Variants in FDFT1 observed in about 807,000 individuals in gnomAD.
The protein encoded by FDFT1 is squalene synthase.
A neutral mutation model predicts 46.8 loss-of-function variants in FDFT1; 68 were observed. The ratio of observed to expected loss-of-function variants is 1.45; its 90% CI spans 1.19 to 1.78. The LOEUF is 1.78. FDFT1 is among the 40% of genes most tolerant of loss of function. The pLI is 0.00. For synonymous variants in FDFT1, 351 were observed against 185.1 expected, an observed-to-expected ratio of 1.90 and a Z score of -7.28; for missense variants, 928 against 524.4, an observed-to-expected ratio of 1.77 and a Z score of -7.52.
At position 11,838,533 on chromosome 8, in the gene FDFT1, T is replaced by C; in HGVS notation, c.1178T>C (p.Leu393Ser). The C allele has an allele frequency of 3.7e-6, 6 of 1,611,074 alleles. No individual in the cohort carries two copies. The highest frequency in any genetic ancestry group is 4.2e-6 in the Non-Finnish European group (5 of 1,178,564). ...SPIYLSFVML[L>S]AALSWQYLTT... is the part of the protein sequence containing the mutation. ...ATCTACCTGTCGTTTGTCATGCTTT[T>C]GGCTGCCCTGAGCTGGCAGTACCTG... The change falls in exon 8 of 8, where the codon TTG (leucine) becomes TCG (serine). Residue 393 changes from leucine to serine, a missense_variant. Coordinates refer to ENST00000220584, the MANE Select transcript of FDFT1 (RefSeq NM_004462.5).
At chr8:11,809,008 A>C in intron 2 of FDFT1, 117 bp downstream of exon 2, 1 of 1,457,172 alleles carries the variant, frequency 6.9e-7, no homozygotes, top group Non-Finnish European at 9.2e-7. Context: ...GCTGTGGCTT[A>C]TCCAGAACAT....
intron 4 of FDFT1, among the ~76,000 whole-genome samples, chr8:11,824,166 TTTTACCC>T (rs1243983439): frequency 1.3e-5 from 2 of 152,182 alleles, no homozygotes; most frequent in African/African-American, 4.8e-5. Context: ...ATTTCCTAAC[TTTTACCC>T]TTCCTAATGA....
rs1281814084 is a variant in FDFT1 at position 11,831,562 on chromosome 8, G to C, written c.924G>C (p.Gln308His). ...TGGCTGCCTGTTATAATAACCAGCA[G>C]GTGTTCAAAGGGGCAGTGAAGATTC... is the stretch of plus-strand genomic sequence containing the variant. ...ATLAACYNNQ[Q>H]VFKGAVKIRK... Residue 308 changes from glutamine to histidine, a missense_variant, in exon 7 of 8, where the codon CAG (glutamine) becomes CAC (histidine). Gln to His is a conservative substitution (Grantham distance 24). Coordinates refer to ENST00000220584, the MANE Select transcript of FDFT1 (RefSeq NM_004462.5). The C allele has an allele frequency of 6.2e-7, 1 of 1,614,128 alleles. No homozygotes were observed. The highest frequency in any genetic ancestry group is 1.7e-5 in the Admixed American group (1 of 60,026).
At chr8:11,808,256 C>G (rs1435433378) in intron 1 of FDFT1, 1 of 1,208,260 alleles carries the variant, frequency 8.3e-7, no homozygotes, top group East Asian at 3.4e-5. Flanking sequence ...GACTCTGTCA[C>G]TGGGAGGACG....
At chr8:11,827,706 T>G (rs1391772786) in intron 5 of FDFT1, among the ~76,000 whole-genome samples, 1 of 152,102 alleles carries the variant, frequency 6.6e-6, no homozygotes, top group East Asian at 1.9e-4. Context: ...ATTAAAAATC[T>G]GAAAAGATGC....
At chr8:11,808,974 A>ACCTTTTGCT in intron 2 of FDFT1, 83 bp downstream of exon 2, 1 of 1,544,002 alleles carries the variant, frequency 6.5e-7, no homozygotes, top group Non-Finnish European at 8.8e-7. Context: ...CTTTTGATAT[A>ACCTTTTGCT]GCGCTCAGCG....
chr8:11,802,704 G>A (rs963052507), upstream of FDFT1: 10 of 702,410 alleles, frequency 1.4e-5, no homozygotes, highest in Admixed American at 2.1e-4. Context: ...GCGGGGCGTC[G>A]CCGTACTAGG....
chr8:11,807,716 C>T (rs1423719190), intron 1 of FDFT1, among the ~76,000 whole-genome samples: 1 of 152,178 alleles, frequency 6.6e-6, no homozygotes, highest in Non-Finnish European at 1.5e-5. Flanking sequence ...GAGTAAAGGT[C>T]AGTGCGCTGC....
chr8:11,825,692 A>AT (rs2130838856), intron 4 of FDFT1, among the ~76,000 whole-genome samples: 1 of 151,030 alleles, frequency 6.6e-6, no homozygotes, highest in East Asian at 1.9e-4. Flanking sequence ...ATCTCAAAAA[A>AT]AAAATAAAAA....
In FDFT1 at chr8:11,835,500, A is replaced by C. The variant is rs1811415510; in HGVS notation, c.1033-2888A>C. Among the ~76,000 whole-genome samples, 5 of 152,178 alleles carry C rather than the reference A, an allele frequency of 3.3e-5. No homozygotes were observed. In the South Asian group the frequency reaches 1.0e-3, roughly 31 times the overall value. Reference sequence around the variant, plus strand: ...GACTGTCACAACCAAGATTTCTCTTAATTTATTCACCTTACTTATCTCCTG... The same window carrying C: ...GACTGTCACAACCAAGATTTCTCTTCATTTATTCACCTTACTTATCTCCTG... On this transcript the variant is annotated intron_variant, in intron 7 of 7. Coordinates refer to ENST00000220584, the MANE Select transcript of FDFT1 (RefSeq NM_004462.5).
chr8:11,817,776 A>G (rs951345633), intron 3 of FDFT1, among the ~76,000 whole-genome samples: 1 of 151,106 alleles, frequency 6.6e-6, no homozygotes, highest in Non-Finnish European at 1.5e-5. Context: ...CTAGCGGTCT[A>G]TCAATTTTGT....
intron 3 of FDFT1, among the ~76,000 whole-genome samples, chr8:11,813,011 C>T (rs1021654055): frequency 1.3e-5 from 2 of 150,244 alleles, no homozygotes; most frequent in Non-Finnish European, 3.0e-5. Flanking sequence ...CTACTACAGA[C>T]GTAGGCTCTG....
At chr8:11,824,497 C>CA (rs1481348892) in intron 4 of FDFT1, among the ~76,000 whole-genome samples, 1 of 152,178 alleles carries the variant, frequency 6.6e-6, no homozygotes, top group East Asian at 1.9e-4. Flanking sequence ...CTGCCACAGA[C>CA]ACGGCAGCCC....
At chr8:11,829,909 G>T (rs550432810) in intron 5 of FDFT1, among the ~76,000 whole-genome samples, 2 of 148,426 alleles carry the variant, frequency 1.3e-5, no homozygotes, top group Non-Finnish European at 2.9e-5. Flanking sequence ...GTGCAATGGC[G>T]AGATCTTGAC....
At chr8:11,802,664 C>G (rs777285426), upstream of FDFT1, 1 of 621,442 alleles carries the variant, frequency 1.6e-6, no homozygotes, top group South Asian at 1.9e-5. Flanking sequence ...CGCTGGCGGC[C>G]GAGGCCGGTT....
intron 7 of FDFT1, 39 bp from the exon 8 acceptor site, chr8:11,838,349 G>C (rs761816508): frequency 6.7e-7 from 1 of 1,499,832 alleles, no homozygotes; most frequent in South Asian, 1.1e-5. Context: ...AAAATGTAAA[G>C]CACATAGCAC....
intron 1 of FDFT1, among the ~76,000 whole-genome samples, chr8:11,805,172 C>G (rs1211778520): frequency 6.6e-6 from 1 of 151,212 alleles, no homozygotes; most frequent in Non-Finnish European, 1.5e-5. Context: ...CCACCTCAGC[C>G]TTCAAAGTGC....
At chr8:11,819,781 C>A (rs2409830) in intron 3 of FDFT1, among the ~76,000 whole-genome samples, 10 of 151,806 alleles carry the variant, frequency 6.6e-5, no homozygotes. Context: ...TCCTTGCGAT[C>A]GGTCAGAACG....
chr8:11,824,145 G>A (rs1470233841), intron 4 of FDFT1, among the ~76,000 whole-genome samples: 1 of 152,174 alleles, frequency 6.6e-6, no homozygotes, highest in African/African-American at 2.4e-5. Context: ...TTACAGGCGT[G>A]AACTTCGGTC....
Sources: gnomAD v4.1 joint callset for allele counts (sites outside exome capture counted in the v4.1 genomes callset) on GRCh38, gnomAD v4.1.1 for gene constraint, MANE v1.5 for transcripts, NCBI Gene and HGNC (gene_info 2026-07-23, HGNC 2026-07-21) for gene names.